The following EBF1 variants were observed in gnomAD, a reference collection of about 807,000 sequenced individuals.
EBF1 encodes transcription factor COE1.
Under a neutral mutation model 68.4 loss-of-function variants are expected in EBF1, and 10 were observed. The ratio of observed to expected loss-of-function variants is 0.15; its 90% confidence interval spans 0.09 to 0.25. The LOEUF (loss-of-function observed/expected upper bound fraction) is 0.25. Ranked by LOEUF, EBF1 falls within the 10% of genes least tolerant of loss-of-function variation. EBF1 has a pLI of 1.00. For missense variants in EBF1, 509 were observed against 794.4 expected, an observed-to-expected ratio of 0.64 and a Z score of 4.32; for synonymous variants, 298 against 299.8, an observed-to-expected ratio of 0.99 and a Z score of 0.06.
chr5:158,785,056 GCATTCTCCCTTCTCCT>G (rs1285315878), intron 9 of EBF1, among the ~76,000 whole-genome samples: 1 of 152,118 alleles, frequency 6.6e-6, no homozygotes, highest in Non-Finnish European at 1.5e-5. Context: ...AATTCTCACA[GCATTCTCCCTTCTCCT>G]CAGTTAGGAT....
At chr5:158,942,973 G>GGGAAGGA (rs1425108115) in intron 6 of EBF1, among the ~76,000 whole-genome samples, 9 of 127,066 alleles carry the variant, frequency 7.1e-5, no homozygotes, top group Admixed American at 1.6e-4. Context: ...GGGGGAAGGA[G>GGGAAGGA]GGAAGGAGGA....
chr5:158,731,995 C>T (rs997078577), intron 10 of EBF1, among the ~76,000 whole-genome samples: 1 of 152,140 alleles, frequency 6.6e-6, no homozygotes, highest in Non-Finnish European at 1.5e-5. Context: ...CAAAATTTCT[C>T]CCTGGTATGT....
At chr5:158,822,316 A>ATGGATG (rs1785048393) in intron 8 of EBF1, among the ~76,000 whole-genome samples, 2 of 141,976 alleles carry the variant, frequency 1.4e-5, no homozygotes, top group Admixed American at 7.4e-5. Context: ...ATGGATGGAT[A>ATGGATG]GATGGATAGA....
chr5:158,771,121 A>C (rs7710073), intron 10 of EBF1, among the ~76,000 whole-genome samples: 13,130 of 152,180 alleles, frequency 0.086, 630 homozygotes, highest in African/African-American at 0.11. Context: ...GAAAGAAACA[A>C]TGTCTTTACT....
At chr5:158,756,619 G>T (rs1460748435) in intron 10 of EBF1, among the ~76,000 whole-genome samples, 1 of 151,340 alleles carries the variant, frequency 6.6e-6, no homozygotes, top group Non-Finnish European at 1.5e-5. Flanking sequence ...TTAACTCTCT[G>T]CCAGTCATTG....
At chr5:159,030,528 G>T (rs886710481) in intron 6 of EBF1, among the ~76,000 whole-genome samples, 2 of 152,214 alleles carry the variant, frequency 1.3e-5, no homozygotes, top group Admixed American at 6.5e-5. Context: ...GCCTCCTGCA[G>T]AGGCGAGCCT....
At chr5:158,840,695 G>T (rs1347316345) in intron 6 of EBF1, among the ~76,000 whole-genome samples, 1 of 101,148 alleles carries the variant, frequency 9.9e-6, no homozygotes, top group Admixed American at 1.5e-4. Context: ...TTTTTGAGAC[G>T]GAGTCTCGCT....
intron 6 of EBF1, among the ~76,000 whole-genome samples, chr5:159,004,777 G>A (rs1478547158): frequency 6.6e-6 from 1 of 152,168 alleles, no homozygotes; most frequent in African/African-American, 2.4e-5. Flanking sequence ...TCTTCATGGT[G>A]AAGGAAGGCT....
intron 6 of EBF1, among the ~76,000 whole-genome samples, chr5:158,889,990 C>A (rs985078771): frequency 7.2e-5 from 11 of 152,072 alleles, no homozygotes; most frequent in Admixed American, 1.3e-4. Flanking sequence ...AGGTTATATG[C>A]AAATATTATG....
At chr5:158,724,368 T>C (rs1762557696) in intron 11 of EBF1, among the ~76,000 whole-genome samples, 1 of 152,134 alleles carries the variant, frequency 6.6e-6, no homozygotes, top group Non-Finnish European at 1.5e-5. Context: ...CTAGTGTCAG[T>C]GTGGAAGATG....
In EBF1 at chr5:158,703,548, T is replaced by C. The variant is rs888291318; in HGVS notation, c.1745-4406A>G. On this transcript the variant is annotated intron_variant, in intron 15 of 15. Coordinates refer to ENST00000313708, the MANE Select transcript of EBF1 (RefSeq NM_024007.5). ...ATGTTTTTGACTACCATATTTTTATTTTTTAACAGGACATTTTGTGAGGCT... is the reference window on the plus strand; with the variant it reads ...ATGTTTTTGACTACCATATTTTTATCTTTTAACAGGACATTTTGTGAGGCT... Among the ~76,000 whole-genome samples the C allele has an allele frequency of 2.0e-5, 3 of 152,006 alleles. 1 individual carries two copies. The highest frequency in any genetic ancestry group is 4.4e-5 in the Non-Finnish European group (3 of 67,996).
intron 8 of EBF1, among the ~76,000 whole-genome samples, chr5:158,815,844 C>T (rs1392633407): frequency 1.3e-5 from 2 of 152,176 alleles, no homozygotes; most frequent in African/African-American, 4.8e-5. Flanking sequence ...TTACCACATC[C>T]TTTCTATTTC....
intron 6 of EBF1, among the ~76,000 whole-genome samples, chr5:158,912,540 C>T (rs766390935): frequency 4.6e-5 from 7 of 152,132 alleles, no homozygotes; most frequent in Non-Finnish European, 8.8e-5. Flanking sequence ...TCACCCCAGG[C>T]CTACTGAACT....
intron 6 of EBF1, among the ~76,000 whole-genome samples, chr5:158,872,309 G>A (rs1240660634): frequency 6.6e-6 from 1 of 151,110 alleles, no homozygotes; most frequent in Non-Finnish European, 1.5e-5. Context: ...CGATTCTCTT[G>A]TCTCAGACTC....
intron 10 of EBF1, among the ~76,000 whole-genome samples, chr5:158,750,061 G>A (rs17056162): frequency 0.13 from 19,088 of 152,046 alleles, 1,524 homozygotes; most frequent in African/African-American, 0.22. Context: ...TTAATGCTCT[G>A]TCAAAAATTG....
intron 8 of EBF1, among the ~76,000 whole-genome samples, chr5:158,808,149 A>G (rs1295712542): frequency 6.6e-6 from 1 of 152,112 alleles, no homozygotes; most frequent in Non-Finnish European, 1.5e-5. Flanking sequence ...AAGCACAGGA[A>G]TATGTATCAT....
intron 6 of EBF1, among the ~76,000 whole-genome samples, chr5:158,859,634 C>A (rs540670835): frequency 6.6e-6 from 1 of 152,324 alleles, no homozygotes; most frequent in Admixed American, 6.5e-5. Flanking sequence ...CTGCCCCTCA[C>A]TTAACCTGTG....
rs116608349 is a variant in EBF1, at chr5:158,788,608, C to T, written c.909+7737G>A. The stretch of plus-strand genomic sequence containing the variant: ...TAGTTCAGGGTATCAGGGAGCCAAC[C>T]TAGTGATCAGCAATCAGCAAGAAAG... On this transcript the variant is annotated intron_variant, in intron 9 of 15. Transcript: ENST00000313708. Among the ~76,000 whole-genome samples, 825 of 152,182 alleles carry T rather than the reference C, an allele frequency of 5.4e-3. 9 individuals are homozygous for T. The highest frequency in any genetic ancestry group is 0.019 in the African/African-American group (797 of 41,500).
chr5:158,970,078 C>A (rs1166961434), intron 6 of EBF1, among the ~76,000 whole-genome samples: 3 of 152,098 alleles, frequency 2.0e-5, no homozygotes, highest in African/African-American at 7.2e-5. Flanking sequence ...TTAATATCAC[C>A]TAACACTGAG....
Sources: allele counts gnomAD v4.1 joint callset (sites outside exome capture counted in the v4.1 genomes callset), GRCh38; gene constraint gnomAD v4.1.1; transcripts MANE v1.5; gene names NCBI Gene and HGNC (gene_info 2026-07-23, HGNC 2026-07-21).